Variants in IQCH observed in about 807,000 individuals in gnomAD.
IQCH encodes the protein IQ motif containing H, also known as IQ domain-containing protein H.
A neutral mutation model predicts 117.0 loss-of-function variants in IQCH; 98 were observed. The ratio of observed to expected loss-of-function variants is 0.84; its 90% CI spans 0.71 to 0.99. IQCH has a LOEUF of 0.99. Among genes scored for constraint, IQCH ranks in the 50% least tolerant of loss-of-function variants. The probability of loss-of-function intolerance (pLI) is 0.00; values close to 1 mark genes in which losing one functional copy is unlikely to be tolerated. For synonymous variants in IQCH, 412 were observed against 448.2 expected (o/e 0.92, Z 1.02); for missense variants, 1,102 against 1,243.8 (o/e 0.89, Z 1.72).
chr15:67,320,800 C>A (rs1968081038), intron 4 of IQCH, among the ~76,000 whole-genome samples: 1 of 152,138 alleles, frequency 6.6e-6, no homozygotes, highest in African/African-American at 2.4e-5. Flanking sequence ...AATGCTGGTT[C>A]TTTGGAATGT....
At position 67,390,201 on chromosome 15, in the gene IQCH, A is replaced by G. The variant is rs1032314892; in HGVS notation, c.1632+1195A>G. On this transcript the variant is annotated intron_variant, in intron 12 of 20. Coordinates refer to ENST00000335894, the MANE Select transcript of IQCH (RefSeq NM_001031715.3). The surrounding 1 kb of genome is among the most constrained non-coding windows in gnomAD (Gnocchi z 5.0). Reference sequence around the variant, plus strand: ...GGGAACCTTCCAATATCCTCCACCAATGTAAGAATTTCTTTGGTGCTTCCT... The same window carrying G: ...GGGAACCTTCCAATATCCTCCACCAGTGTAAGAATTTCTTTGGTGCTTCCT... 1.3e-5 allele frequency among the ~76,000 whole-genome samples: 2 copies of G among 152,146 alleles called. No homozygotes were observed. Among genetic ancestry groups the G allele is most frequent in the Admixed American group, 6.5e-5 (1 of 15,272 alleles).
At chr15:67,306,816 T>G in intron 4 of IQCH, 1 of 1,526,214 alleles carries the variant, frequency 6.6e-7, no homozygotes, top group South Asian at 1.2e-5. Flanking sequence ...CCTTCTAACA[T>G]TTTTTCTAGT....
chr15:67,289,085 T>C (rs1966668086), intron 4 of IQCH, among the ~76,000 whole-genome samples: 1 of 152,050 alleles, frequency 6.6e-6, no homozygotes, highest in Non-Finnish European at 1.5e-5. Flanking sequence ...GACAGTATTG[T>C]TTGAAGACAA....
chr15:67,351,110 A>ATG (rs1969640636), intron 6 of IQCH, among the ~76,000 whole-genome samples: 1 of 152,174 alleles, frequency 6.6e-6, no homozygotes, highest in African/African-American at 2.4e-5. Flanking sequence ...TCTGAGATAC[A>ATG]TGTGCTGAAC....
chr15:67,479,430 C>T lies in IQCH; in HGVS notation c.2799+3612C>T, dbSNP rs2083290366. Among the ~76,000 whole-genome samples the T allele has an allele frequency of 6.6e-6, 1 of 152,140 alleles. No individual in the cohort carries two copies. Among genetic ancestry groups the T allele is most frequent in the African/African-American group, 2.4e-5 (1 of 41,420 alleles). On this transcript the variant is annotated intron_variant, in intron 18 of 20. Coordinates refer to ENST00000335894, the MANE Select transcript of IQCH (RefSeq NM_001031715.3). The surrounding 1 kb of genome is among the most constrained non-coding windows in gnomAD (Gnocchi z 4.6). The stretch of plus-strand genomic sequence containing the variant: ...GCCCTTTTCCCCCTAAGGACTGTTT[C>T]CCACCAACTGTCTCTATTTCTAAAA...
chr15:67,480,431 C>T (rs913527513), intron 18 of IQCH, among the ~76,000 whole-genome samples: 1 of 152,164 alleles, frequency 6.6e-6, no homozygotes, highest in East Asian at 1.9e-4. Context: ...GAGCCTCCTT[C>T]AGCCTGGGTC....
chr15:67,376,856 C>T lies in IQCH; in HGVS notation c.1372+3423C>T, dbSNP rs1033360766. ...GACTTAGGCCAGGTGTGATGGCTCA[C>T]GCCTGTAATCCCAATCCTTCAAGAG... On this transcript the variant is annotated intron_variant, in intron 10 of 20. Transcript: ENST00000335894. This position sits in a 1 kb window ranked among gnomAD's most constrained non-coding sequence, Gnocchi z 5.0. Among the ~76,000 whole-genome samples the T allele has an allele frequency of 2.0e-5, 3 of 151,948 alleles. No homozygotes were observed. Among genetic ancestry groups the T allele is most frequent in the African/African-American group, 4.8e-5 (2 of 41,340 alleles).
Position 67,500,592 on chromosome 15 carries a change from G to C in IQCH, c.2971-41G>C. The C allele has an allele frequency of 9.8e-7, 1 of 1,024,458 alleles. No homozygotes were observed. The highest frequency in any genetic ancestry group is 1.5e-6 in the Non-Finnish European group (1 of 668,972). The allele number at this position is 1,024,458 out of a possible 1,614,324, so 63.5% of individuals were successfully genotyped here. ...ACCAGATGCTTGGGGGAGAGGGATT[G>C]TAAGAGGTCTTTAAGTAATAAATAT... On this transcript the variant is annotated intron_variant, in intron 20 of 20. Coordinates refer to ENST00000335894, the MANE Select transcript of IQCH (RefSeq NM_001031715.3). This position sits in a 1 kb window ranked among gnomAD's most constrained non-coding sequence, Gnocchi z 4.4.
rs1270730918 is a variant in IQCH at position 67,413,968 on chromosome 15, C to T, written c.2098-2963C>T. Reference sequence around the variant, plus strand: ...TGGCACAGTGTCCAGATGCCACACACAAGCAGCAGGCTGATGAGTTACTTA... The same window carrying T: ...TGGCACAGTGTCCAGATGCCACACATAAGCAGCAGGCTGATGAGTTACTTA... On this transcript the variant is annotated intron_variant, in intron 14 of 20. Transcript: ENST00000335894. This position sits in a 1 kb window ranked among gnomAD's most constrained non-coding sequence, Gnocchi z 5.0. Among the ~76,000 whole-genome samples the T allele has an allele frequency of 6.6e-6, 1 of 152,222 alleles. No individual in the cohort carries two copies. The highest frequency in any genetic ancestry group is 1.5e-5 in the Non-Finnish European group (1 of 68,046).
At chr15:67,334,314 T>C (rs1414763660) in intron 4 of IQCH, among the ~76,000 whole-genome samples, 1 of 152,160 alleles carries the variant, frequency 6.6e-6, no homozygotes, top group African/African-American at 2.4e-5. Flanking sequence ...ATAAAGCTGG[T>C]TTCTTTAATT....
chr15:67,448,203 A>G (rs964113313), intron 16 of IQCH, among the ~76,000 whole-genome samples: 1 of 152,036 alleles, frequency 6.6e-6, no homozygotes, highest in African/African-American at 2.4e-5. Flanking sequence ...GAGATACCAT[A>G]TACCATAAAA....
rs1270089107 is a variant in IQCH, at chr15:67,391,285, A to G, written c.1632+2279A>G. 1.3e-5 allele frequency among the ~76,000 whole-genome samples: 2 copies of G among 152,198 alleles called. No homozygotes were observed. The highest frequency in any genetic ancestry group is 6.5e-5 in the Admixed American group (1 of 15,286). ...TTGAGTAATTACTCATAAGCAATCA[A>G]CTTTTTAAAAATACAAAAATTAAAT... On this transcript the variant is annotated intron_variant, in intron 12 of 20. Transcript: ENST00000335894. The surrounding 1 kb of genome is among the most constrained non-coding windows in gnomAD (Gnocchi z 4.3).
Position 67,306,124 on chromosome 15 carries a change from A to G in IQCH, c.387+26612A>G, listed in dbSNP as rs1235154330. 2.0e-5 allele frequency among the ~76,000 whole-genome samples: 3 copies of G among 152,072 alleles called. No individual in the cohort carries two copies. In the East Asian group the frequency reaches 5.8e-4, roughly 29 times the overall value. On this transcript the variant is annotated intron_variant, in intron 4 of 20. Transcript: ENST00000335894. ...AATAGTTAGTTGACCCTATCATTTTATGTTGATATAGTTGTATGGTAATAC... is the reference window on the plus strand; with the variant it reads ...AATAGTTAGTTGACCCTATCATTTTGTGTTGATATAGTTGTATGGTAATAC...
rs1275079714 is a variant in IQCH, at chr15:67,401,603, A to G, written c.2097+1298A>G. Among the ~76,000 whole-genome samples the G allele has an allele frequency of 6.6e-6, 1 of 152,216 alleles. No individual in the cohort carries two copies. The highest frequency in any genetic ancestry group is 2.4e-5 in the African/African-American group (1 of 41,454). On this transcript the variant is annotated intron_variant, in intron 14 of 20. Transcript: ENST00000335894. The surrounding 1 kb of genome is among the most constrained non-coding windows in gnomAD (Gnocchi z 4.7). ...CACATTATTCTTGGAAAGTGGAGTGATGAATAAATCTATTGAACAGTCAGG... is the reference window on the plus strand; with the variant it reads ...CACATTATTCTTGGAAAGTGGAGTGGTGAATAAATCTATTGAACAGTCAGG...
rs1446537068 is a variant in IQCH at position 67,279,446 on chromosome 15, T to C, written c.321T>C (p.Ser107=). The C allele has an allele frequency of 5.6e-6, 9 of 1,610,926 alleles. No individual in the cohort carries two copies. Among genetic ancestry groups the C allele is most frequent in the Non-Finnish European group, 6.8e-6 (8 of 1,178,054 alleles). Residue 107 remains serine, a synonymous_variant, in exon 4 of 21, where the codon TCT becomes TCC. Coordinates refer to ENST00000335894, the MANE Select transcript of IQCH (RefSeq NM_001031715.3). ...AATCATTTATTTTCCCTCAGGAATC[T>C]GAGGGTACATTTTGGCAACCCCAAA... is the stretch of plus-strand genomic sequence containing the variant. ...DQKSFIFPQE[S]EGTFWQPQRQ...
At chr15:67,264,068 G>A (rs956610245) in intron 3 of IQCH, among the ~76,000 whole-genome samples, 3 of 152,184 alleles carry the variant, frequency 2.0e-5, no homozygotes. Context: ...ACATAGCCAA[G>A]TCAGTACTAG....
intron 8 of IQCH, among the ~76,000 whole-genome samples, chr15:67,361,264 C>T (rs866072000): frequency 2.6e-5 from 4 of 152,328 alleles, no homozygotes; most frequent in South Asian, 2.1e-4. Flanking sequence ...GTTGCTGCTG[C>T]GACTGCTACT....
At chr15:67,418,553 A>ACACACACACAC (rs66695451) in intron 15 of IQCH, among the ~76,000 whole-genome samples, 28 of 148,988 alleles carry the variant, frequency 1.9e-4, no homozygotes, top group Non-Finnish European at 2.7e-4. Flanking sequence ...ACACACACAC[A>ACACACACACAC]AGATCAATAA....
chr15:67,395,542 TG>T lies in IQCH; in HGVS notation c.1885del (p.Asp629IlefsTer8). 6.2e-7 allele frequency: 1 copy of T among 1,613,896 alleles called. No homozygotes were observed. The highest frequency in any genetic ancestry group is 8.5e-7 in the Non-Finnish European group (1 of 1,179,904). On this transcript the variant is annotated frameshift_variant, in exon 13 of 21. Coordinates refer to ENST00000335894, the MANE Select transcript of IQCH (RefSeq NM_001031715.3). LOFTEE classifies it high-confidence loss of function. This position sits in a 1 kb window ranked among gnomAD's most constrained non-coding sequence, Gnocchi z 4.0. ...ATGTGGCAGTTCCTCCTGGAATATATGATATTTATAGTCAGCAACAGGTATG... is the reference window on the plus strand; with the variant it reads ...ATGTGGCAGTTCCTCCTGGAATATATATATTTATAGTCAGCAACAGGTATG... ...ANVAVPPGIY[D>X]IYSQQQMIEQ...
Sources: allele counts gnomAD v4.1 joint callset (sites outside exome capture counted in the v4.1 genomes callset), GRCh38; gene constraint gnomAD v4.1.1; non-coding constraint Gnocchi (gnomAD v3.1); transcripts MANE v1.5; gene names NCBI Gene and HGNC (gene_info 2026-07-23, HGNC 2026-07-21).